The following ECE2 variants were observed in gnomAD, a reference collection of about 807,000 sequenced individuals.
ECE2 encodes endothelin converting enzyme 2.
ECE2 carries 81 observed loss-of-function variants against 100.6 expected under a neutral mutation model. That is an observed-to-expected ratio of 0.81 (90% CI 0.67 to 0.97). The LOEUF (loss-of-function observed/expected upper bound fraction) is 0.97. Ranked by LOEUF, ECE2 falls within the 50% of genes least tolerant of loss-of-function variation. ECE2 has a pLI of 0.00. For synonymous variants in ECE2, 391 were observed against 391.5 expected (o/e 1.00, Z 0.02); for missense variants, 911 against 988.1 (o/e 0.92, Z 1.05).
rs1721334319 is a variant in ECE2, at chr3:184,291,747, G to T, written c.2121+308G>T. ...AAACGTTCATCCTCACGCTGTTCCT[G>T]TGAGGGAGACATGCAGGAAACGAAA... is the stretch of plus-strand genomic sequence containing the variant. On this transcript the variant is annotated intron_variant, in intron 18 of 18. Transcript: ENST00000404464. This position sits in a 1 kb window ranked among gnomAD's most constrained non-coding sequence, Gnocchi z 4.1. 1 of 514,060 alleles carries T rather than the reference G, an allele frequency of 1.9e-6. No individual in the cohort carries two copies. Among genetic ancestry groups the T allele is most frequent in the Non-Finnish European group, 3.4e-6 (1 of 290,002 alleles). The allele number at this position is 514,060 out of a possible 1,614,324, so 31.8% of individuals were successfully genotyped here. A position where few individuals can be genotyped will look rare whatever the true frequency, so the allele number is the denominator to read the frequency against.
Position 184,276,049 on chromosome 3 carries a change from G to A in ECE2, c.-105G>A. 8.6e-7 allele frequency: 1 copy of A among 1,161,194 alleles called. No homozygotes were observed. 71.9% of individuals were successfully genotyped at this position (1,161,194 alleles called of 1,614,324 possible). A position where few individuals can be genotyped will look rare whatever the true frequency, so the allele number is the denominator to read the frequency against. ...GGCCGAGCGGGGGTGCTGCGCGGCG[G>A]CCGTGATGGCTGGTGACGGCGGGGC... On this transcript the variant is annotated 5_prime_UTR_variant, in exon 1 of 19. Coordinates refer to ENST00000404464, the MANE Select transcript of ECE2 (RefSeq NM_001100121.2).
At chr3:184,279,991 A>G (rs1720751327) in intron 7 of ECE2, among the ~76,000 whole-genome samples, 1 of 116 alleles carries the variant, frequency 8.6e-3, no homozygotes, top group Non-Finnish European at 0.017. Context: ...CCCAAATGAA[A>G]GAGTGGCAGA....
Position 184,278,240 on chromosome 3 carries a change from C to G in ECE2, c.677C>G (p.Thr226Ser), listed in dbSNP as rs1336061133. The G allele has an allele frequency of 1.2e-6, 2 of 1,614,158 alleles. No homozygotes were observed. The highest frequency in any genetic ancestry group is 1.7e-6 in the Non-Finnish European group (2 of 1,180,028). ...FMEVLKAVAG[T>S]YRATPFFTVY... ...GAGGTGTTGAAGGCAGTAGCAGGGA[C>G]CTACAGGGCCACCCCATTCTTCACC... Residue 226 changes from threonine to serine, a missense_variant, in exon 6 of 19, where the codon ACC (threonine) becomes AGC (serine). Physicochemically the swap from Thr to Ser is moderately conservative, Grantham distance 58. Coordinates refer to ENST00000404464, the MANE Select transcript of ECE2 (RefSeq NM_001100121.2).
chr3:184,284,976 C>G lies in ECE2; in HGVS notation c.1019C>G (p.Ser340Cys), dbSNP rs1387320419. The change falls in exon 9 of 19, where the codon TCC (serine) becomes TGC (cysteine). Residue 340 changes from serine (S) to cysteine (C), a missense_variant. Coordinates refer to ENST00000404464, the MANE Select transcript of ECE2 (RefSeq NM_001100121.2). ...TTTTTCTTTCAGGCTCTGGCGCCCT[C>G]CATGGACTGGCTTGAGTTCCTGTCT... The part of the protein sequence containing the change: ...SISELQALAP[S>C]MDWLEFLSFL... 2 of 1,614,006 alleles carry G rather than the reference C, an allele frequency of 1.2e-6. No individual in the cohort carries two copies. The highest frequency in any genetic ancestry group is 1.7e-6 in the Non-Finnish European group (2 of 1,179,976).
chr3:184,283,561 C>CA lies in ECE2; in HGVS notation c.817-194dup, dbSNP rs35761542. Among the ~76,000 whole-genome samples, 485 of 53,092 alleles carry CA rather than the reference C, an allele frequency of 9.1e-3. 22 individuals carry two copies. The highest frequency in any genetic ancestry group is 0.017 in the Middle Eastern group (1 of 60). 34.8% of individuals were successfully genotyped at this position (53,092 alleles called of 152,430 possible). ...TGGGCAACAGAGTGAGACTCCATCT[C>CA]AAAAAAAAAAAAAAAAAAAAAAAAA... On this transcript the variant is annotated intron_variant, in intron 7 of 18. Transcript: ENST00000404464.
chr3:184,292,605 T>C lies in ECE2; in HGVS notation c.*367T>C, dbSNP rs1024617727. The C allele has an allele frequency of 2.0e-5, 6 of 300,500 alleles. No individual in the cohort carries two copies. The highest frequency in any genetic ancestry group is 1.3e-4 in the Admixed American group (3 of 22,576). 18.6% of individuals were successfully genotyped at this position (300,500 alleles called of 1,614,324 possible). A position where few individuals can be genotyped will look rare whatever the true frequency, so the allele number is the denominator to read the frequency against. On this transcript the variant is annotated 3_prime_UTR_variant, in exon 19 of 19. Transcript: ENST00000404464. The stretch of plus-strand genomic sequence containing the variant: ...CCTGCCCCACTGTGACCCACAGGCC[T>C]GGGTGGTGTACCTCCTGGACTTCTC...
chr3:184,292,037 C>T (rs750751022), intron 18 of ECE2, 25 bp from the exon 19 acceptor site: 3 of 1,597,268 alleles, frequency 1.9e-6, no homozygotes, highest in African/African-American at 1.3e-5. Context: ...ACACCATATG[C>T]CCCCATGTCT....
rs1560180644 is a variant in ECE2 at position 184,277,251 on chromosome 3, ACCCATC to A, written c.266_271del (p.Pro89_Ser90del). 3 of 1,614,052 alleles carry A rather than the reference ACCCATC, an allele frequency of 1.9e-6. No homozygotes were observed. Among genetic ancestry groups the A allele is most frequent in the Non-Finnish European group, 2.5e-6 (3 of 1,180,010 alleles). On this transcript the variant is annotated inframe_deletion and splice_region_variant, in exon 4 of 19. Transcript: ENST00000404464. ...CCTCCGGCCATGTTCCCTACCACAG[ACCCATC>A]CCACAGCACCTGCCTTACAGAGGCC...
Position 184,291,774 on chromosome 3 carries a change from C to T in ECE2, c.2122-288C>T. 3 of 516,070 alleles carry T rather than the reference C, an allele frequency of 5.8e-6. No homozygotes were observed. The highest frequency in any genetic ancestry group is 1.0e-5 in the Non-Finnish European group (3 of 291,370). The allele number at this position is 516,070 out of a possible 1,614,324, so 32.0% of individuals were successfully genotyped here. On this transcript the variant is annotated intron_variant, in intron 18 of 18. Transcript: ENST00000404464. This position sits in a 1 kb window ranked among gnomAD's most constrained non-coding sequence, Gnocchi z 4.1. ...GAGGGAGACATGCAGGAAACGAAAGCTCGGGACGCAGAGTGGCCTGTCCAG... is the reference window on the plus strand; with the variant it reads ...GAGGGAGACATGCAGGAAACGAAAGTTCGGGACGCAGAGTGGCCTGTCCAG...
At chr3:184,281,932 C>A (rs1411940800) in intron 7 of ECE2, among the ~76,000 whole-genome samples, 4 of 152,172 alleles carry the variant, frequency 2.6e-5, no homozygotes, top group Non-Finnish European at 5.9e-5. Context: ...AACACTGTCT[C>A]TACTAAAAAT....
rs1426622300 is a variant in ECE2, at chr3:184,292,614, T to C, written c.*376T>C. ...CTGTGACCCACAGGCCTGGGTGGTG[T>C]ACCTCCTGGACTTCTCCCCAGGCTC... On this transcript the variant is annotated 3_prime_UTR_variant, in exon 19 of 19. Coordinates refer to ENST00000404464, the MANE Select transcript of ECE2 (RefSeq NM_001100121.2). The C allele has an allele frequency of 1.1e-5, 3 of 275,082 alleles. No homozygotes were observed. 17.0% of individuals were successfully genotyped at this position (275,082 alleles called of 1,614,324 possible).
At chr3:184,285,230 C>T in intron 9 of ECE2, 125 bp downstream of exon 9, 1 of 1,346,424 alleles carries the variant, frequency 7.4e-7, no homozygotes, top group Non-Finnish European at 1.0e-6. Context: ...AACATTGAAT[C>T]AGAATGTCTA....
intron 10 of ECE2, 66 bp from the exon 11 acceptor site, chr3:184,287,771 A>T: frequency 7.0e-7 from 1 of 1,428,742 alleles, no homozygotes. Flanking sequence ...CCCCAGTGAC[A>T]GAGAAAGGCC....
Position 184,292,533 on chromosome 3 carries a change from T to C in ECE2, c.*295T>C, listed in dbSNP as rs1721377939. The C allele has an allele frequency of 2.2e-6, 1 of 448,326 alleles. No individual in the cohort carries two copies. The highest frequency in any genetic ancestry group is 4.1e-6 in the Non-Finnish European group (1 of 244,748). The allele number at this position is 448,326 out of a possible 1,614,324, so 27.8% of individuals were successfully genotyped here. A position where few individuals can be genotyped will look rare whatever the true frequency, so the allele number is the denominator to read the frequency against. Reference sequence around the variant, plus strand: ...GTTCCCATAGGAAGGAGTCTGCCTCTTCTGTCCCCAGGCTCACTCAGCCTG... The same window carrying C: ...GTTCCCATAGGAAGGAGTCTGCCTCCTCTGTCCCCAGGCTCACTCAGCCTG... On this transcript the variant is annotated 3_prime_UTR_variant, in exon 19 of 19. Coordinates refer to ENST00000404464, the MANE Select transcript of ECE2 (RefSeq NM_001100121.2).
At position 184,290,822 on chromosome 3, in the gene ECE2, T is replaced by A. The variant is rs575768527; in HGVS notation, c.1796T>A (p.Val599Asp). ...CTGAACTTCGGTGGCATCGGTGTGG[T>A]CATGGGCCATGAGTTGACGCATGCC... ...KALNFGGIGV[V>D]MGHELTHAFD... Residue 599 changes from valine (V) to aspartate (D), a missense_variant, in exon 16 of 19, where the codon GTC becomes GAC. Physicochemically the swap from Val to Asp is radical, Grantham distance 152 (BLOSUM62 -3). Coordinates refer to ENST00000404464, the MANE Select transcript of ECE2 (RefSeq NM_001100121.2). 156 of 1,614,144 alleles carry A rather than the reference T, an allele frequency of 9.7e-5. 1 individual carries two copies. In the South Asian group the frequency reaches 1.6e-3, roughly 17 times the overall value.
chr3:184,279,250 C>T (rs1163087733), intron 7 of ECE2, among the ~76,000 whole-genome samples: 3 of 134,616 alleles, frequency 2.2e-5, no homozygotes, highest in African/African-American at 8.6e-5. Flanking sequence ...GCGGAGGTTG[C>T]AGTGAGCCAA....
At chr3:184,284,930 G>A (rs377554844) in intron 8 of ECE2, 33 bp from the exon 9 acceptor site, 60 of 1,605,012 alleles carry the variant, frequency 3.7e-5, no homozygotes, top group South Asian at 4.5e-5. Context: ...GAAGCGAGTC[G>A]GGCAGGCAAG....
In ECE2 at chr3:184,292,134, T is replaced by C; in HGVS notation, c.2194T>C (p.Phe732Leu). Residue 732 changes from phenylalanine to leucine, a missense_variant, in exon 19 of 19, where the codon TTC becomes CTC. Coordinates refer to ENST00000404464, the MANE Select transcript of ECE2 (RefSeq NM_001100121.2). Reference protein sequence around the residue: ...LVTDPHSPARFRVLGTLSNSR... With the variant: ...LVTDPHSPARLRVLGTLSNSR... ...GACCGACCCCCACAGCCCTGCCCGCTTCCGCGTGCTGGGCACTCTCTCCAA... is the reference window on the plus strand; with the variant it reads ...GACCGACCCCCACAGCCCTGCCCGCCTCCGCGTGCTGGGCACTCTCTCCAA... 1 of 1,614,014 alleles carries C rather than the reference T, an allele frequency of 6.2e-7. No individual in the cohort carries two copies. Among genetic ancestry groups the C allele is most frequent in the Non-Finnish European group, 8.5e-7 (1 of 1,179,990 alleles).
intron 4 of ECE2, among the ~76,000 whole-genome samples, 197 bp from the exon 5 acceptor site, chr3:184,277,728 C>T (rs536788732): frequency 6.6e-6 from 1 of 152,328 alleles, no homozygotes; most frequent in South Asian, 2.1e-4. Flanking sequence ...CACCAGGGAG[C>T]CTGTACTGCT....
Sources: gnomAD v4.1 joint callset for allele counts (sites outside exome capture counted in the v4.1 genomes callset) on GRCh38, gnomAD v4.1.1 for gene constraint, Gnocchi (gnomAD v3.1) non-coding constraint, MANE v1.5 for transcripts, NCBI Gene and HGNC (gene_info 2026-07-23, HGNC 2026-07-21) for gene names.